The following EPB41L1 variants were observed in gnomAD, a reference collection of about 807,000 sequenced individuals.
EPB41L1 encodes the protein band 4.1-like protein 1.
A neutral mutation model predicts 97.8 loss-of-function variants in EPB41L1; 29 were observed. That is an observed-to-expected ratio of 0.30 (90% CI 0.22 to 0.40). EPB41L1 has a LOEUF of 0.40. Among genes scored for constraint, EPB41L1 ranks in the 10% least tolerant of loss-of-function variants. EPB41L1 has a pLI of 1.00. For synonymous variants in EPB41L1, 383 were observed against 459.2 expected (o/e 0.83, Z 2.12); for missense variants, 812 against 1,162.3 (o/e 0.70, Z 4.38).
At position 36,195,872 on chromosome 20, in the gene EPB41L1, G is replaced by T. The variant is rs1237370979; in HGVS notation, c.1485+508G>T. Among the ~76,000 whole-genome samples, 1 of 152,140 alleles carries T rather than the reference G, an allele frequency of 6.6e-6. No individual in the cohort carries two copies. ...AGATGTGGGAGTGGGGATTGGGGGTGGGGGAGGGAGGTGCCTCAGAGCACA... is the reference window on the plus strand; with the variant it reads ...AGATGTGGGAGTGGGGATTGGGGGTTGGGGAGGGAGGTGCCTCAGAGCACA... On this transcript the variant is annotated intron_variant, in intron 13 of 21. Transcript: ENST00000338074. This position sits in a 1 kb window ranked among gnomAD's most constrained non-coding sequence, Gnocchi z 4.6.
At position 36,190,487 on chromosome 20, in the gene EPB41L1, A is replaced by G. The variant is rs1445454809; in HGVS notation, c.1124+113A>G. 1 of 1,527,398 alleles carries G rather than the reference A, an allele frequency of 6.5e-7. No homozygotes were observed. The highest frequency in any genetic ancestry group is 1.8e-5 in the Admixed American group (1 of 56,072). 94.6% of individuals were successfully genotyped at this position (1,527,398 alleles called of 1,614,324 possible). A position where few individuals can be genotyped will look rare whatever the true frequency, so the allele number is the denominator to read the frequency against. On this transcript the variant is annotated intron_variant, in intron 10 of 21. Coordinates refer to ENST00000338074, the MANE Select transcript of EPB41L1 (RefSeq NM_012156.2). This position sits in a 1 kb window ranked among gnomAD's most constrained non-coding sequence, Gnocchi z 5.8. ...AGGAAAGTCCTCCACCCTTTCCCCA[A>G]GTCCCTCCCTTCCTGGACCACTTTG...
intron 1 of EPB41L1, among the ~76,000 whole-genome samples, chr20:36,159,892 C>A (rs2060461552): frequency 6.6e-6 from 1 of 152,106 alleles, no homozygotes; most frequent in Admixed American, 6.5e-5. Flanking sequence ...CCCAGTTTGC[C>A]CAGCTGTAAT....
At chr20:36,171,583 T>TG (rs1401228798) in intron 1 of EPB41L1, among the ~76,000 whole-genome samples, 1 of 152,126 alleles carries the variant, frequency 6.6e-6, no homozygotes, top group Non-Finnish European at 1.5e-5. Flanking sequence ...ATCCACTCTG[T>TG]GGGGGGCTGA....
chr20:36,186,416 G>A (rs954610584), intron 7 of EPB41L1, among the ~76,000 whole-genome samples: 5 of 152,146 alleles, frequency 3.3e-5, no homozygotes, highest in Non-Finnish European at 5.9e-5. Context: ...TTCTGTGGGC[G>A]TTATCTGGAG....
intron 5 of EPB41L1, 39 bp downstream of exon 5, chr20:36,178,711 G>T (rs2061352781): frequency 6.2e-7 from 1 of 1,607,850 alleles, no homozygotes; most frequent in African/African-American, 1.3e-5. Context: ...GGGTGGGTGA[G>T]GGGATTCCAG....
intron 2 of EPB41L1, among the ~76,000 whole-genome samples, chr20:36,135,523 T>C (rs1012011738): frequency 6.6e-6 from 1 of 152,232 alleles, no homozygotes; most frequent in African/African-American, 2.4e-5. Flanking sequence ...CTCCATAAAA[T>C]GGGTATATTA....
intron 21 of EPB41L1, among the ~76,000 whole-genome samples, chr20:36,225,071 C>G (rs1225779998): frequency 6.6e-6 from 1 of 152,248 alleles, no homozygotes; most frequent in Non-Finnish European, 1.5e-5. Context: ...ATCTGCCCGA[C>G]TCGGCCTCCC....
chr20:36,192,030 A>T (rs151182854), intron 11 of EPB41L1, among the ~76,000 whole-genome samples: 1 of 152,284 alleles, frequency 6.6e-6, no homozygotes, highest in East Asian at 1.9e-4. Flanking sequence ...GTTCGAGACC[A>T]GCCTGACCAA....
intron 13 of EPB41L1, 116 bp from the exon 14 acceptor site, chr20:36,197,743 G>A (rs1418579716): frequency 5.6e-6 from 9 of 1,593,312 alleles, no homozygotes; most frequent in Non-Finnish European, 6.8e-6. Flanking sequence ...AGGTCAGAGT[G>A]GGAATAACGT....
At chr20:36,116,400 G>C (rs2058585892) in intron 2 of EPB41L1, among the ~76,000 whole-genome samples, 1 of 152,156 alleles carries the variant, frequency 6.6e-6, no homozygotes, top group Non-Finnish European at 1.5e-5. Flanking sequence ...CTTCCAGACT[G>C]TTCTCTTCTG....
At chr20:36,151,945 CA>C (rs968782753), upstream of EPB41L1, 49 of 150,526 alleles carry the variant, frequency 3.3e-4, 1 homozygote, top group South Asian at 1.3e-3. Flanking sequence ...ACTAAAAATG[CA>C]AAAAAAAATT....
chr20:36,091,884 C>T (rs2057674496), intron 1 of EPB41L1: 1 of 152,286 alleles, frequency 6.6e-6, no homozygotes, highest in Non-Finnish European at 1.5e-5. Flanking sequence ...GGGTTAGTTC[C>T]TCCTCTCTCC....
Position 36,110,398 on chromosome 20 carries a change from T to TCAGCC in EPB41L1, c.-64-2026_-64-2022dup, listed in dbSNP as rs933618737. ...TGTTTGCTTAGATCCAGGCTTCAGC[T>TCAGCC]CAGCCCCAGCAGGATGGATGGCCCT... On this transcript the variant is annotated intron_variant, in intron 1 of 19. Transcript: ENST00000202028. Among the ~76,000 whole-genome samples the TCAGCC allele has an allele frequency of 3.9e-5, 6 of 152,162 alleles. No individual in the cohort carries two copies. The East Asian group carries it at 1.2e-3, about 29-fold the overall frequency.
At chr20:36,157,097 G>A (rs776977041) in intron 1 of EPB41L1, among the ~76,000 whole-genome samples, 2 of 152,240 alleles carry the variant, frequency 1.3e-5, no homozygotes, top group South Asian at 4.1e-4. Flanking sequence ...GGTAGTGCAC[G>A]CCTATAGCCC....
rs1369877372 is a variant in EPB41L1 at position 36,209,190 on chromosome 20, T to C, written c.1669-298T>C. ...CAATAAGCTCCCAGATCCAATACCC[T>C]TGGATGGAGCCTCCTGTCCAGGAGT... On this transcript the variant is annotated intron_variant, in intron 14 of 21. Transcript: ENST00000338074. The surrounding 1 kb of genome is among the most constrained non-coding windows in gnomAD (Gnocchi z 4.2). Among the ~76,000 whole-genome samples the C allele has an allele frequency of 6.6e-6, 1 of 152,182 alleles. No individual in the cohort carries two copies. Among genetic ancestry groups the C allele is most frequent in the Non-Finnish European group, 1.5e-5 (1 of 68,034 alleles).
intron 1 of EPB41L1, among the ~76,000 whole-genome samples, chr20:36,096,540 C>T (rs181523836): frequency 6.6e-6 from 1 of 152,124 alleles, no homozygotes; most frequent in Admixed American, 6.5e-5. Context: ...ACATCCTGTT[C>T]CCTTTGTCTA....
rs1037911169 is a variant in EPB41L1, at chr20:36,171,965, T to G, written c.-14-1799T>G. The stretch of plus-strand genomic sequence containing the variant: ...CTGGTTTTAGCTTCAAAGCTTTTTT[T>G]TGAGGATCTGTTGATTGGGGGCAGG... On this transcript the variant is annotated intron_variant, in intron 1 of 21. Coordinates refer to ENST00000338074, the MANE Select transcript of EPB41L1 (RefSeq NM_012156.2). Among the ~76,000 whole-genome samples, 5 of 152,352 alleles carry G rather than the reference T, an allele frequency of 3.3e-5. No individual in the cohort carries two copies. The East Asian group carries it at 7.7e-4, about 23-fold the overall frequency.
chr20:36,194,391 C>G (rs1269005837), intron 12 of EPB41L1, 31 bp downstream of exon 12: 2 of 1,578,080 alleles, frequency 1.3e-6, no homozygotes, highest in East Asian at 2.3e-5. Context: ...TACTCTCTGC[C>G]CTGGGGATCA....
intron 7 of EPB41L1, 102 bp from the exon 8 acceptor site, chr20:36,187,574 T>C (rs923725148): frequency 2.1e-6 from 2 of 941,692 alleles, no homozygotes; most frequent in Non-Finnish European, 3.4e-6. Flanking sequence ...TCAGCATATT[T>C]GACTTTCTAG....
Sources: allele counts gnomAD v4.1 joint callset (sites outside exome capture counted in the v4.1 genomes callset), GRCh38; gene constraint gnomAD v4.1.1; non-coding constraint Gnocchi (gnomAD v3.1); transcripts MANE v1.5; gene names NCBI Gene and HGNC (gene_info 2026-07-23, HGNC 2026-07-21).